Variants in NAA11 observed in about 807,000 individuals in gnomAD.
NAA11 encodes N-alpha-acetyltransferase 11, NatA catalytic subunit, also known as N-alpha-acetyltransferase 11.
In NAA11, 15 loss-of-function variants were observed where a neutral mutation model predicts 16.1. The ratio of observed to expected loss-of-function variants is 0.93; its 90% CI spans 0.62 to 1.44. The LOEUF is 1.44. Among genes scored for constraint, NAA11 ranks in the 40% most tolerant of loss-of-function variants. The pLI is 0.00. For missense variants in NAA11, 298 were observed against 291.3 expected (o/e 1.02, Z -0.17); for synonymous variants, 122 against 112.4 (o/e 1.09, Z -0.54).
chr4:79,209,768 G>A, the NAA11 span, among the ~76,000 whole-genome samples: 1 of 152,092 alleles, frequency 6.6e-6, no homozygotes, highest in Non-Finnish European at 1.5e-5. Context: ...GGTCAGGGCT[G>A]GGCGTCGTGG....
At chr4:79,302,653 C>A (rs1392164905) in intron 1 of NAA11, among the ~76,000 whole-genome samples, 1 of 151,908 alleles carries the variant, frequency 6.6e-6, no homozygotes, top group Non-Finnish European at 1.5e-5. Context: ...ACATATATTT[C>A]ATATCTATAG....
At chr4:79,201,265 A>T in the NAA11 span, among the ~76,000 whole-genome samples, 3 of 151,666 alleles carry the variant, frequency 2.0e-5, no homozygotes, top group African/African-American at 7.2e-5. Context: ...TCTCAGGAGT[A>T]GTATTACTAT....
chr4:79,273,755 G>C (rs915059192), intron 2 of NAA11, among the ~76,000 whole-genome samples: 1 of 152,020 alleles, frequency 6.6e-6, no homozygotes, highest in African/African-American at 2.4e-5. Context: ...AAGAAGTTAA[G>C]CATATTGCAG....
At chr4:79,202,623 T>TTATATATATATATATATGTATA in the NAA11 span, among the ~76,000 whole-genome samples, 18 of 52,622 alleles carry the variant, frequency 3.4e-4, 1 homozygote, top group South Asian at 1.3e-3. Context: ...ATATATAGTT[T>TTATATATATATATATATGTATA]TATATATATA....
At chr4:79,315,641 T>C (rs1723905543), downstream of NAA11, among the ~76,000 whole-genome samples, 1 of 151,974 alleles carries the variant, frequency 6.6e-6, no homozygotes, top group Non-Finnish European at 1.5e-5. Flanking sequence ...CTTGCTTTGC[T>C]CTCTCTAGGA....
At chr4:79,233,908 A>C (rs1416708535) in intron 2 of NAA11, among the ~76,000 whole-genome samples, 1 of 152,012 alleles carries the variant, frequency 6.6e-6, no homozygotes, top group Non-Finnish European at 1.5e-5. Context: ...AATTGGTAGA[A>C]TATATTTCTG....
the NAA11 span, among the ~76,000 whole-genome samples, chr4:79,177,191 TAAATAGAAAAAA>T: frequency 6.6e-6 from 1 of 152,000 alleles, no homozygotes; most frequent in Non-Finnish European, 1.5e-5. Context: ...TGTGTATCTA[TAAATAGAAAAAA>T]AATTATCTTC....
chr4:79,277,674 C>T (rs558538038), intron 2 of NAA11, among the ~76,000 whole-genome samples: 9 of 152,000 alleles, frequency 5.9e-5, no homozygotes, highest in African/African-American at 9.7e-5. Context: ...TAACTCATTC[C>T]GATTACCTGC....
chr4:79,237,162 T>C (rs1721587804), intron 2 of NAA11, among the ~76,000 whole-genome samples: 1 of 152,172 alleles, frequency 6.6e-6, no homozygotes. Context: ...CTTTTATTTA[T>C]GGCCAAAATT....
Position 79,325,766 on chromosome 4 carries a change from A to C in NAA11, c.112T>G (p.Trp38Gly). ...TCAGCGATGTAAGAAAGCTGGGGCC[A>C]GGAAAGGCCATGATATAAATAGTAT... The part of the protein sequence containing the change: ...MKYYLYHGLS[W>G]PQLSYIAEDE... The change falls in exon 1 of 2, where the codon TGG becomes GGG. Residue 38 changes from tryptophan to glycine, a missense_variant. Physicochemically the swap from Trp to Gly is radical, Grantham distance 184. Transcript: ENST00000286794. 5 of 1,614,258 alleles carry C rather than the reference A, an allele frequency of 3.1e-6. No individual in the cohort carries two copies. Among genetic ancestry groups the C allele is most frequent in the Non-Finnish European group, 4.2e-6 (5 of 1,180,040 alleles).
chr4:79,260,528 T>C (rs1722226538), intron 2 of NAA11, among the ~76,000 whole-genome samples: 2 of 152,176 alleles, frequency 1.3e-5, no homozygotes, highest in African/African-American at 4.8e-5. Context: ...ACAGTGTACA[T>C]AGAGTCCCGC....
chr4:79,275,100 T>C (rs1722618370), intron 2 of NAA11, among the ~76,000 whole-genome samples: 1 of 152,018 alleles, frequency 6.6e-6, no homozygotes, highest in Admixed American at 6.6e-5. Context: ...TTGTTAGATC[T>C]GTTAAGTAAC....
At chr4:79,174,942 T>C in the NAA11 span, among the ~76,000 whole-genome samples, 1 of 152,166 alleles carries the variant, frequency 6.6e-6, no homozygotes, top group Admixed American at 6.6e-5. Flanking sequence ...ATATTATTTC[T>C]ATTGAATTAA....
the NAA11 span, among the ~76,000 whole-genome samples, chr4:79,203,064 G>A: frequency 2.0e-5 from 3 of 151,282 alleles, no homozygotes; most frequent in African/African-American, 7.3e-5. Context: ...ATTTTTTTCC[G>A]GAGTTTTTAA....
intron 2 of NAA11, among the ~76,000 whole-genome samples, chr4:79,238,136 A>C (rs1721613600): frequency 6.6e-6 from 1 of 152,196 alleles, no homozygotes; most frequent in South Asian, 2.1e-4. Flanking sequence ...AAAGAAGCAG[A>C]ATTTTAGCAT....
rs535249346 is a variant in NAA11 at position 79,244,038 on chromosome 4, C to T, written c.*123-17768G>A. 2.6e-5 allele frequency among the ~76,000 whole-genome samples: 4 copies of T among 152,266 alleles called. No individual in the cohort carries two copies. The East Asian group carries it at 7.7e-4, about 29-fold the overall frequency. ...CTTCCTTTTTCCAATGGAGTGTACA[C>T]GGAAGATCATACTATGCCATTTTTG... On this transcript the variant is annotated intron_variant and NMD_transcript_variant, in intron 2 of 2. Transcript: ENST00000511542.
chr4:79,322,494 T>A (rs1473507821), intron 1 of NAA11, among the ~76,000 whole-genome samples: 1 of 127,598 alleles, frequency 7.8e-6, no homozygotes, highest in East Asian at 3.3e-4. Flanking sequence ...TAGGTGTGTG[T>A]GTGTGTGTGT....
chr4:79,310,613 T>C (rs1723745318), intron 1 of NAA11, among the ~76,000 whole-genome samples: 1 of 152,214 alleles, frequency 6.6e-6, no homozygotes, highest in Non-Finnish European at 1.5e-5. Flanking sequence ...TTGAAAGCTG[T>C]GGCTCAAGAT....
the NAA11 span, among the ~76,000 whole-genome samples, chr4:79,155,581 C>A: frequency 1.2e-3 from 190 of 152,312 alleles, 1 homozygote; most frequent in African/African-American, 4.1e-3. Context: ...CTCACCAAAT[C>A]TTTTGCCAGA....
Sources: gnomAD v4.1 joint callset for allele counts (sites outside exome capture counted in the v4.1 genomes callset) on GRCh38, gnomAD v4.1.1 for gene constraint, MANE v1.5 for transcripts, NCBI Gene and HGNC (gene_info 2026-07-23, HGNC 2026-07-21) for gene names.